The following PPP2R3B variants were observed in gnomAD, a reference collection of about 807,000 sequenced individuals.
PPP2R3B encodes serine/threonine-protein phosphatase 2A regulatory subunit B'' subunit beta.
Under a neutral mutation model 72.9 loss-of-function variants are expected in PPP2R3B, and 68 were observed. The ratio of observed to expected loss-of-function variants is 0.93; its 90% CI spans 0.77 to 1.14. PPP2R3B has a LOEUF of 1.14. Ranked by LOEUF, PPP2R3B falls within the 50% of genes most tolerant of loss-of-function variation. PPP2R3B has a pLI of 0.00. For missense variants in PPP2R3B, 1,018 were observed against 842.0 expected (o/e 1.21, Z -2.59); for synonymous variants, 466 against 375.8 (o/e 1.24, Z -2.78).
chrX:356,734 A>G (rs949934994), intron 2 of PPP2R3B, among the ~76,000 whole-genome samples: 6 of 151,936 alleles, frequency 3.9e-5, no homozygotes, highest in African/African-American at 1.5e-4. Flanking sequence ...CACACACAGC[A>G]GAAGCTACTC....
At position 369,795 on chromosome X, in the gene PPP2R3B, C is replaced by T. The variant is rs186654075; in HGVS notation, c.325-8205G>A. Among the ~76,000 whole-genome samples, 1,170 of 152,340 alleles carry T rather than the reference C, an allele frequency of 7.7e-3. 14 individuals are homozygous for T. The highest frequency in any genetic ancestry group is 0.027 in the African/African-American group (1,107 of 41,586). On this transcript the variant is annotated intron_variant, in intron 1 of 12. Transcript: ENST00000390665. ...AGGTGCCGGAGCAGCAGGGGGCCGG[C>T]GGAAGGGACGCTCAGTACGGGCTGC...
intron 1 of PPP2R3B, among the ~76,000 whole-genome samples, chrX:372,018 A>G (rs981712332): frequency 3.3e-5 from 5 of 152,160 alleles, no homozygotes; most frequent in African/African-American, 1.2e-4. Context: ...CATCGTCACC[A>G]CAGCCCCCCA....
rs762731646 is a variant in PPP2R3B, at chrX:334,695, G to A, written c.1578-178C>T. 5.3e-5 allele frequency: 39 copies of A among 731,652 alleles called. No individual in the cohort carries two copies. In the East Asian group the frequency reaches 9.8e-4, roughly 18 times the overall value. The allele number at this position is 731,652 out of a possible 1,614,324, so 45.3% of individuals were successfully genotyped here. On this transcript the variant is annotated intron_variant, in intron 12 of 12. Transcript: ENST00000390665. ...TCCTGGCTGAGGACGCCGGCTCCACGAATGCTCCCGGGGGAGGGGCCTGCG... is the reference window on the plus strand; with the variant it reads ...TCCTGGCTGAGGACGCCGGCTCCACAAATGCTCCCGGGGGAGGGGCCTGCG...
At chrX:360,340 C>T (rs1369957765) in intron 2 of PPP2R3B, among the ~76,000 whole-genome samples, 1 of 152,154 alleles carries the variant, frequency 6.6e-6, no homozygotes, top group Admixed American at 6.5e-5. Flanking sequence ...TCAAGACCAG[C>T]CTGGCCAATA....
At chrX:338,362 T>A (rs1190497845) in intron 12 of PPP2R3B, 2 of 599,710 alleles carry the variant, frequency 3.3e-6, no homozygotes, top group East Asian at 2.8e-5. Flanking sequence ...GCGCCCAGGA[T>A]CACAGAACCC....
Position 386,555 on chromosome X carries a change from T to G in PPP2R3B, c.137A>C (p.Gln46Pro). 7.0e-7 allele frequency: 1 copy of G among 1,435,152 alleles called. No homozygotes were observed. The highest frequency in any genetic ancestry group is 9.2e-7 in the Non-Finnish European group (1 of 1,092,268). The allele number at this position is 1,435,152 out of a possible 1,614,324, so 88.9% of individuals were successfully genotyped here. A position where few individuals can be genotyped will look rare whatever the true frequency, so the allele number is the denominator to read the frequency against. The change falls in exon 1 of 13, where the codon CAG (glutamine) becomes CCG (proline). Residue 46 changes from glutamine (Q) to proline (P), a missense_variant. Gln to Pro is a moderately conservative substitution (Grantham distance 76, BLOSUM62 -1). Coordinates refer to ENST00000390665, the MANE Select transcript of PPP2R3B (RefSeq NM_013239.5). ...CTGCTCCCCGTCCCCCGGGGTCGGC[T>G]GGTCCCGCCCGGGCGCCTTGATCCG... ...LRRIKAPGRDQPTPGDGEQPG... is the reference protein window; with the variant it reads ...LRRIKAPGRDPPTPGDGEQPG...
chrX:384,655 G>A (rs1185294783), intron 1 of PPP2R3B, among the ~76,000 whole-genome samples: 1 of 151,952 alleles, frequency 6.6e-6, no homozygotes, highest in African/African-American at 2.4e-5. Flanking sequence ...AGACCCCTCT[G>A]TTCCACCAGC....
intron 5 of PPP2R3B, 197 bp downstream of exon 5, chrX:346,504 G>T (rs1374410165): frequency 1.6e-5 from 10 of 636,952 alleles, no homozygotes; most frequent in Non-Finnish European, 2.7e-5. Context: ...AAGGGGGTGC[G>T]GCCACCCCGG....
chrX:341,208 C>T, intron 9 of PPP2R3B, 99 bp downstream of exon 9: 1 of 1,305,432 alleles, frequency 7.7e-7, no homozygotes, highest in Non-Finnish European at 1.1e-6. Context: ...TGCCGTGCAG[C>T]CCCCACCAGG....
intron 2 of PPP2R3B, among the ~76,000 whole-genome samples, chrX:351,590 G>GACACGGTCTTGCTGTTGCCCAGGCTGGAC (rs2124058701): frequency 2.9e-5 from 3 of 104,660 alleles, no homozygotes; most frequent in African/African-American, 1.2e-4. Flanking sequence ...CCAGGCTGGA[G>GACACGGTCTTGCTGTTGCCCAGGCTGGAC]TGCAGTGTGT....
intron 12 of PPP2R3B, chrX:335,717 C>A (rs1249681138): frequency 6.6e-6 from 1 of 152,194 alleles, no homozygotes; most frequent in Non-Finnish European, 1.5e-5. Context: ...GAGTGAACCT[C>A]GTCGGCCCCT....
chrX:371,972 AACTG>A (rs2071875972), intron 1 of PPP2R3B, among the ~76,000 whole-genome samples: 1 of 152,212 alleles, frequency 6.6e-6, no homozygotes, highest in South Asian at 2.1e-4. Flanking sequence ...ATTTCCCAGA[AACTG>A]ACTTTTTAAA....
chrX:359,936 T>C (rs2071508023), intron 2 of PPP2R3B: 1 of 432,514 alleles, frequency 2.3e-6, no homozygotes, highest in Non-Finnish European at 4.5e-6. Flanking sequence ...TGGAGGTTTT[T>C]ACATATTTAT....
intron 2 of PPP2R3B, among the ~76,000 whole-genome samples, chrX:350,359 C>G (rs964323855): frequency 9.2e-5 from 14 of 152,216 alleles, no homozygotes; most frequent in African/African-American, 3.4e-4. Flanking sequence ...CACACGTGCG[C>G]TCCCTGAAGG....
At position 386,614 on chromosome X, in the gene PPP2R3B, G is replaced by A; in HGVS notation, c.78C>T (p.Ala26=). The change falls in exon 1 of 13, where the codon GCC becomes GCT. Residue 26 remains alanine (A), a synonymous_variant. Transcript: ENST00000390665. The part of the protein sequence containing the change: ...DELFLYWLSE[A]STQRMLQDCL... ...AGTCCTGCAGCATCCGCTGCGTGCT[G>A]GCCTCGCTGAGCCAGTACAGGAACA... 1 of 1,448,684 alleles carries A rather than the reference G, an allele frequency of 6.9e-7. No individual in the cohort carries two copies. Among genetic ancestry groups the A allele is most frequent in the Non-Finnish European group, 9.1e-7 (1 of 1,101,654 alleles). The allele number at this position is 1,448,684 out of a possible 1,614,324, so 89.7% of individuals were successfully genotyped here. A position where few individuals can be genotyped will look rare whatever the true frequency, so the allele number is the denominator to read the frequency against.
At chrX:357,801 G>C (rs1331229201) in intron 2 of PPP2R3B, among the ~76,000 whole-genome samples, 2 of 152,170 alleles carry the variant, frequency 1.3e-5, no homozygotes, top group African/African-American at 4.8e-5. Flanking sequence ...GGAGGTGAAG[G>C]AGCTGATGAC....
intron 1 of PPP2R3B, among the ~76,000 whole-genome samples, chrX:362,815 G>C (rs62587158): frequency 0.27 from 41,714 of 151,816 alleles, 6,486 homozygotes; most frequent in Non-Finnish European, 0.36. Context: ...CCTCACCCCA[G>C]GTCACAAGGG....
At chrX:358,084 T>C (rs2738326) in intron 2 of PPP2R3B, among the ~76,000 whole-genome samples, 47,157 of 151,980 alleles carry the variant, frequency 0.31, 7,944 homozygotes, top group African/African-American at 0.42. Flanking sequence ...CAGGCCCTCA[T>C]TCAGTCACTC....
At chrX:382,186 CT>C (rs1266116447) in intron 1 of PPP2R3B, among the ~76,000 whole-genome samples, 6 of 138,038 alleles carry the variant, frequency 4.3e-5, no homozygotes, top group South Asian at 2.4e-4. Context: ...AACATCTCAT[CT>C]TTTTTTTTCT....
Sources: gnomAD v4.1 joint callset for allele counts (sites outside exome capture counted in the v4.1 genomes callset) on GRCh38, gnomAD v4.1.1 for gene constraint, MANE v1.5 for transcripts, NCBI Gene and HGNC (gene_info 2026-07-23, HGNC 2026-07-21) for gene names.